The following XPO7 variants were observed in gnomAD, a reference collection of about 807,000 sequenced individuals.
XPO7 encodes the protein exportin-7.
XPO7 carries 21 observed loss-of-function variants against 144.3 expected under a neutral mutation model. That is an observed-to-expected ratio of 0.15 (90% CI 0.10 to 0.21). The LOEUF is 0.21. Among genes scored for constraint, XPO7 ranks in the 10% least tolerant of loss-of-function variants. The pLI is 1.00. For synonymous variants in XPO7, 580 were observed against 499.6 expected (o/e 1.16, Z -2.15); for missense variants, 808 against 1,325.8 (o/e 0.61, Z 6.06).
chr8:21,923,590 C>T lies in XPO7; in HGVS notation c.18+3802C>T, dbSNP rs554804957. ...AGAAAAATTAAGGGATGTATATATACGTGTGGGATCATTCAAACACTTAAC... is the reference window on the plus strand; with the variant it reads ...AGAAAAATTAAGGGATGTATATATATGTGTGGGATCATTCAAACACTTAAC... On this transcript the variant is annotated intron_variant, in intron 1 of 27. Coordinates refer to ENST00000252512, the MANE Select transcript of XPO7 (RefSeq NM_015024.5). Among the ~76,000 whole-genome samples the T allele has an allele frequency of 1.1e-4, 17 of 152,172 alleles. No homozygotes were observed. In the South Asian group the frequency reaches 1.2e-3, roughly 11 times the overall value.
chr8:21,934,789 T>C (rs1200662939), intron 1 of XPO7, among the ~76,000 whole-genome samples: 1 of 152,188 alleles, frequency 6.6e-6, no homozygotes, highest in Non-Finnish European at 1.5e-5. Context: ...AAGCCAGATT[T>C]CCAGAGATTT....
rs778246631 is a variant in XPO7 at position 21,974,712 on chromosome 8, T to G, written c.535T>G (p.Ser179Ala). Residue 179 changes from serine to alanine, a missense_variant, in exon 6 of 28, where the codon TCT becomes GCT. By Grantham distance (99) the Ser-to-Ala change is moderately conservative. This residue lies in a region of XPO7 where 223 missense variants were observed against 368.8 expected (regional missense o/e 0.60). Coordinates refer to ENST00000252512, the MANE Select transcript of XPO7 (RefSeq NM_015024.5). Reference protein sequence around the residue: ...HPLTKHRKIASSFRDSSLFDI... With the variant: ...HPLTKHRKIAASFRDSSLFDI... Reference sequence around the variant, plus strand: ...TTTAACCAAGCACAGAAAAATAGCCTCTTCTTTTCGCGATTCATCATTATT... The same window carrying G: ...TTTAACCAAGCACAGAAAAATAGCCGCTTCTTTTCGCGATTCATCATTATT... The G allele has an allele frequency of 1.9e-6, 3 of 1,594,324 alleles. No homozygotes were observed. In the East Asian group the frequency reaches 6.7e-5, roughly 36 times the overall value.
At chr8:21,926,835 G>T (rs924245575) in intron 1 of XPO7, among the ~76,000 whole-genome samples, 1 of 152,140 alleles carries the variant, frequency 6.6e-6, no homozygotes, top group Non-Finnish European at 1.5e-5. Flanking sequence ...TAATGTTCGT[G>T]TTAGTAGGTG....
At chr8:21,927,857 T>C (rs944854760) in intron 1 of XPO7, among the ~76,000 whole-genome samples, 4 of 152,186 alleles carry the variant, frequency 2.6e-5, no homozygotes, top group African/African-American at 4.8e-5. Flanking sequence ...CCCAACTTCT[T>C]ATCTATTCCT....
chr8:21,943,467 C>G (rs1051299006), intron 1 of XPO7, among the ~76,000 whole-genome samples: 1 of 152,280 alleles, frequency 6.6e-6, no homozygotes, highest in South Asian at 2.1e-4. Flanking sequence ...ATTACTATAA[C>G]TGAACACATT....
At chr8:21,947,443 A>G (rs1811228467) in intron 1 of XPO7, among the ~76,000 whole-genome samples, 1 of 152,222 alleles carries the variant, frequency 6.6e-6, no homozygotes, top group Non-Finnish European at 1.5e-5. Context: ...GTAATCACAA[A>G]TATTAACCTC....
At chr8:21,945,229 G>A (rs982410054) in intron 1 of XPO7, among the ~76,000 whole-genome samples, 10 of 152,168 alleles carry the variant, frequency 6.6e-5, no homozygotes, top group Non-Finnish European at 1.5e-4. Flanking sequence ...GCGGCCGGGC[G>A]GGGGCTGCCC....
intron 1 of XPO7, among the ~76,000 whole-genome samples, chr8:21,959,666 C>T (rs1400929062): frequency 6.6e-6 from 1 of 152,070 alleles, no homozygotes; most frequent in Non-Finnish European, 1.5e-5. Flanking sequence ...TCCTAATCAT[C>T]GTTTTCATGA....
At chr8:21,958,911 A>C (rs1291366119) in intron 1 of XPO7, among the ~76,000 whole-genome samples, 1 of 150,080 alleles carries the variant, frequency 6.7e-6, no homozygotes, top group Non-Finnish European at 1.5e-5. Flanking sequence ...CAGTGAGCCG[A>C]GTTCGCGCCA....
intron 24 of XPO7, among the ~76,000 whole-genome samples, chr8:22,000,380 A>G (rs1813098517): frequency 6.6e-6 from 1 of 151,948 alleles, no homozygotes. Context: ...TCATGCAGCT[A>G]GCTCCATAAG....
intron 11 of XPO7, among the ~76,000 whole-genome samples, chr8:21,983,415 G>A (rs962854401): frequency 1.3e-5 from 2 of 152,220 alleles, no homozygotes; most frequent in Admixed American, 1.3e-4. Flanking sequence ...TGTTTTCACT[G>A]GCTGTTTGTC....
intron 24 of XPO7, among the ~76,000 whole-genome samples, chr8:22,000,016 A>G (rs376920097): frequency 6.6e-6 from 1 of 152,210 alleles, no homozygotes; most frequent in Non-Finnish European, 1.5e-5. Flanking sequence ...GGTGAGTACA[A>G]AGTGCTACAC....
At chr8:21,991,999 T>G in intron 19 of XPO7, 25 bp downstream of exon 19, 4 of 1,585,918 alleles carry the variant, frequency 2.5e-6, no homozygotes, top group Non-Finnish European at 3.5e-6. Context: ...CACCCAGTAA[T>G]TAATCAGCTT....
intron 1 of XPO7, among the ~76,000 whole-genome samples, chr8:21,946,574 G>GAAAA (rs375503342): frequency 4.5e-5 from 4 of 89,026 alleles, no homozygotes; most frequent in East Asian, 3.1e-4. Flanking sequence ...TTCTAGAACT[G>GAAAA]AAAAAAAAAA....
At chr8:21,965,100 T>TATC (rs1300564033) in intron 1 of XPO7, among the ~76,000 whole-genome samples, 1 of 152,182 alleles carries the variant, frequency 6.6e-6, no homozygotes, top group African/African-American at 2.4e-5. Context: ...TGTCTTTCTC[T>TATC]TGATGTCTTT....
At chr8:21,948,670 T>C (rs191502973) in intron 1 of XPO7, among the ~76,000 whole-genome samples, 1 of 152,222 alleles carries the variant, frequency 6.6e-6, no homozygotes, top group Non-Finnish European at 1.5e-5. Flanking sequence ...CAACCTGATA[T>C]GAGGAATTGA....
chr8:21,935,850 A>G (rs530057396), intron 1 of XPO7, among the ~76,000 whole-genome samples: 124 of 151,168 alleles, frequency 8.2e-4, no homozygotes, highest in South Asian at 2.1e-4. Context: ...CTCTCTCTCA[A>G]TCTCTCTCTC....
intron 1 of XPO7, among the ~76,000 whole-genome samples, chr8:21,942,397 T>C (rs1172413048): frequency 6.6e-6 from 1 of 152,230 alleles, no homozygotes; most frequent in East Asian, 1.9e-4. Context: ...TTTTAGACAT[T>C]ATTGTGAGAA....
At chr8:21,981,622 G>A in intron 9 of XPO7, 109 bp from the exon 10 acceptor site, 1 of 1,373,058 alleles carries the variant, frequency 7.3e-7, no homozygotes, top group Non-Finnish European at 1.0e-6. Flanking sequence ...CAGCCCAGAA[G>A]TTAAAAAGTA....
Sources: gnomAD v4.1 joint callset for allele counts (sites outside exome capture counted in the v4.1 genomes callset) on GRCh38, gnomAD v4.1.1 for gene constraint, gnomAD v4.1.1 regional missense constraint, MANE v1.5 for transcripts, NCBI Gene and HGNC (gene_info 2026-07-23, HGNC 2026-07-21) for gene names.